The following CWC22 variants were observed in gnomAD, a reference collection of about 807,000 sequenced individuals.
CWC22 encodes the protein CWC22 spliceosome associated protein, also known as pre-mRNA-splicing factor CWC22 homolog.
CWC22 carries 53 observed loss-of-function variants against 117.2 expected under a neutral mutation model. The ratio of observed to expected loss-of-function variants is 0.45; its 90% CI spans 0.36 to 0.57. The LOEUF (loss-of-function observed/expected upper bound fraction) is 0.57. Ranked by LOEUF, CWC22 falls within the 20% of genes least tolerant of loss-of-function variation. CWC22 has a pLI of 0.00. For synonymous variants in CWC22, 360 were observed against 355.6 expected (o/e 1.01, Z -0.14); for missense variants, 980 against 1,068.8 (o/e 0.92, Z 1.16).
At position 179,945,112 on chromosome 2, in the gene CWC22, T is replaced by C. The variant is rs768932564; in HGVS notation, c.*17A>G. ...AACTGAATATAAGGCATGTCCAGTT[T>C]ATGTCATTTTGTAGAATTATTTTTG... On this transcript the variant is annotated 3_prime_UTR_variant, in exon 20 of 20. Coordinates refer to ENST00000410053, the MANE Select transcript of CWC22 (RefSeq NM_020943.3). 3.9e-6 allele frequency: 6 copies of C among 1,555,898 alleles called. No individual in the cohort carries two copies. In the Admixed American group the frequency reaches 9.8e-5, roughly 25 times the overall value.
In CWC22 at chr2:179,947,432, T is replaced by C. The variant is rs544942460; in HGVS notation, c.2141-1717A>G. Reference sequence around the variant, plus strand: ...GAGGCAATCTCTTCTCCGTTTGCTATGTTTGCATTATAATTTCCTAATTTT... The same window carrying C: ...GAGGCAATCTCTTCTCCGTTTGCTACGTTTGCATTATAATTTCCTAATTTT... On this transcript the variant is annotated intron_variant, in intron 19 of 19. Coordinates refer to ENST00000410053, the MANE Select transcript of CWC22 (RefSeq NM_020943.3). 5.1e-4 allele frequency among the ~76,000 whole-genome samples: 78 copies of C among 152,364 alleles called. No homozygotes were observed. In the South Asian group the frequency reaches 0.016, roughly 30 times the overall value.
chr2:179,954,404 A>T, intron 15 of CWC22, 47 bp from the exon 16 acceptor site: 1 of 1,185,164 alleles, frequency 8.4e-7, no homozygotes, highest in Non-Finnish European at 1.2e-6. Flanking sequence ...TGTTAATACA[A>T]TTATGAGCAT....
Position 179,971,023 on chromosome 2 carries a change from T to C in CWC22, c.858A>G (p.Thr286=), listed in dbSNP as rs758904696. 9.3e-6 allele frequency: 15 copies of C among 1,610,238 alleles called. No individual in the cohort carries two copies. Among genetic ancestry groups the C allele is most frequent in the Non-Finnish European group, 1.1e-5 (13 of 1,177,350 alleles). The part of the protein sequence containing the change: ...EMLTLLLERP[T]DDSVEVAIGF... ...CAATAGCTACTTCAACGCTATCATCTGTTGGTCTTTCCAGGAGCAAAGTGA... is the reference window on the plus strand; with the variant it reads ...CAATAGCTACTTCAACGCTATCATCCGTTGGTCTTTCCAGGAGCAAAGTGA... Residue 286 remains threonine (T), a synonymous_variant, in exon 9 of 20, where the codon ACA becomes ACG. Transcript: ENST00000410053.
intron 8 of CWC22, 132 bp downstream of exon 8, chr2:179,973,061 G>T: frequency 7.0e-6 from 3 of 429,632 alleles, no homozygotes; most frequent in Non-Finnish European, 8.5e-6. Context: ...GTTTTAAAAT[G>T]AAAATATCAT....
intron 6 of CWC22, among the ~76,000 whole-genome samples, chr2:179,974,451 T>C (rs1687107647): frequency 2.0e-5 from 3 of 152,108 alleles, no homozygotes; most frequent in Admixed American, 1.3e-4. Flanking sequence ...GAAAGGCAAA[T>C]TGGGCAAACT....
Position 179,970,508 on chromosome 2 carries a change from A to G in CWC22, c.1203T>C (p.Ile401=), listed in dbSNP as rs1360188344. ...FMENEEKYKA[I]KKEILDEGDT... The stretch of plus-strand genomic sequence containing the variant: ...TTATAAAATTTTACATACCTTTCTT[A>G]ATAGCTTTGTACTTCTCTTCATTCT... Residue 401 remains isoleucine (I), a synonymous_variant, in exon 11 of 20, where the codon ATT becomes ATC. Coordinates refer to ENST00000410053, the MANE Select transcript of CWC22 (RefSeq NM_020943.3). 1.3e-6 allele frequency: 2 copies of G among 1,532,636 alleles called. No individual in the cohort carries two copies. Among genetic ancestry groups the G allele is most frequent in the African/African-American group, 2.8e-5 (2 of 72,446 alleles). The allele number at this position is 1,532,636 out of a possible 1,614,324, so 94.9% of individuals were successfully genotyped here. A position where few individuals can be genotyped will look rare whatever the true frequency, so the allele number is the denominator to read the frequency against.
chr2:179,993,021 G>A (rs200097009), intron 2 of CWC22, among the ~76,000 whole-genome samples: 13 of 151,742 alleles, frequency 8.6e-5, no homozygotes, highest in East Asian at 1.9e-4. Flanking sequence ...ACACACACGC[G>A]CACACACACG....
intron 1 of CWC22, among the ~76,000 whole-genome samples, chr2:179,996,467 G>A (rs1200053234): frequency 6.6e-6 from 1 of 151,924 alleles, no homozygotes; most frequent in Admixed American, 6.5e-5. Flanking sequence ...AAGATAAAGA[G>A]AAAAATCCTG....
At chr2:179,989,730 C>T (rs998657796) in intron 2 of CWC22, among the ~76,000 whole-genome samples, 1 of 152,056 alleles carries the variant, frequency 6.6e-6, no homozygotes, top group African/African-American at 2.4e-5. Context: ...AAAATGTTTA[C>T]CTCTGTATAT....
At chr2:179,981,657 C>G in intron 5 of CWC22, 95 bp downstream of exon 5, 2 of 1,025,886 alleles carry the variant, frequency 1.9e-6, no homozygotes, top group Non-Finnish European at 2.9e-6. Context: ...TATAGACTAA[C>G]GTAAATTCTC....
chr2:179,980,269 A>G (rs573082763), intron 5 of CWC22, among the ~76,000 whole-genome samples: 1 of 152,162 alleles, frequency 6.6e-6, no homozygotes, highest in African/African-American at 2.4e-5. Flanking sequence ...TAACACTTCA[A>G]ATATCACTGC....
rs1688006734 is a variant in CWC22 at position 180,007,290 on chromosome 2, G to C, written c.-537C>G. ...TTGTTGCCAAAATGGCGACAAAAAA[G>C]AGAAGTTGGCATGAACTACAAAGTC... On this transcript the variant is annotated 5_prime_UTR_variant, in exon 1 of 20. Transcript: ENST00000410053. 1.3e-5 allele frequency among the ~76,000 whole-genome samples: 2 copies of C among 152,228 alleles called. No homozygotes were observed. Among genetic ancestry groups the C allele is most frequent in the African/African-American group, 4.8e-5 (2 of 41,464 alleles).
chr2:179,987,152 T>C (rs1687439124), intron 3 of CWC22, among the ~76,000 whole-genome samples: 1 of 152,208 alleles, frequency 6.6e-6, no homozygotes, highest in Admixed American at 6.5e-5. Context: ...TTAGTTGGCT[T>C]GTTTATCAAA....
intron 2 of CWC22, among the ~76,000 whole-genome samples, chr2:179,990,552 GAGA>G (rs1687536225): frequency 7.2e-5 from 10 of 139,830 alleles, no homozygotes; most frequent in Admixed American, 5.6e-4. Context: ...CAGACAGAGA[GAGA>G]GAGAGAGAGA....
rs3082436 is a variant in CWC22, at chr2:179,990,546, CAGAGAGAG to C, written c.28-1910_28-1903del. On this transcript the variant is annotated intron_variant, in intron 2 of 19. Coordinates refer to ENST00000410053, the MANE Select transcript of CWC22 (RefSeq NM_020943.3). Reference sequence around the variant, plus strand: ...AATGAGAGTGAGTGAGTGAGACAGACAGAGAGAGAGAGAGAGAGAGAGAGAGAGAGAGA... The same window carrying C: ...AATGAGAGTGAGTGAGTGAGACAGACAGAGAGAGAGAGAGAGAGAGAGAGA... 9.1e-3 allele frequency among the ~76,000 whole-genome samples: 1,311 copies of C among 144,814 alleles called. 14 individuals are homozygous for C. The highest frequency in any genetic ancestry group is 0.027 in the African/African-American group (1,034 of 38,814).
Position 179,950,748 on chromosome 2 carries a change from ATC to A in CWC22, c.1920-18_1920-17del, listed in dbSNP as rs754186577. ...CAGTTCATCCCTAATTTAAAATATA[ATC>A]TGTTAGATTCTATTTCAAAGACAAT... On this transcript the variant is annotated splice_polypyrimidine_tract_variant and intron_variant, in intron 18 of 19. Transcript: ENST00000410053. 5 of 1,608,066 alleles carry A rather than the reference ATC, an allele frequency of 3.1e-6. No homozygotes were observed. The highest frequency in any genetic ancestry group is 4.3e-6 in the Non-Finnish European group (5 of 1,174,866).
intron 5 of CWC22, 33 bp from the exon 6 acceptor site, chr2:179,978,351 CTT>C (rs1433114026): frequency 7.1e-7 from 1 of 1,415,964 alleles, no homozygotes; most frequent in Non-Finnish European, 9.2e-7. Flanking sequence ...AAGATTAAAA[CTT>C]AATTACAATA....
At chr2:179,986,877 A>C (rs1687432006) in intron 3 of CWC22, 72 bp from the exon 4 acceptor site, 3 of 797,716 alleles carry the variant, frequency 3.8e-6, no homozygotes, top group Non-Finnish European at 5.8e-6. Flanking sequence ...AAAGTCATAT[A>C]TTGGTAATGG....
chr2:179,971,358 G>C (rs1687026477), intron 8 of CWC22, among the ~76,000 whole-genome samples: 1 of 151,972 alleles, frequency 6.6e-6, no homozygotes, highest in African/African-American at 2.4e-5. Flanking sequence ...AATATTCTTA[G>C]CCATTATGTA....
Sources: gnomAD v4.1 joint callset for allele counts (sites outside exome capture counted in the v4.1 genomes callset) on GRCh38, gnomAD v4.1.1 for gene constraint, MANE v1.5 for transcripts, NCBI Gene and HGNC (gene_info 2026-07-23, HGNC 2026-07-21) for gene names.